Variants in EPM2A observed in about 807,000 individuals in gnomAD.
EPM2A encodes EPM2A glucan phosphatase, laforin.
A neutral mutation model predicts 26.5 loss-of-function variants in EPM2A; 21 were observed. The ratio of observed to expected loss-of-function variants is 0.79; its 90% CI spans 0.56 to 1.14. EPM2A has a LOEUF of 1.14. EPM2A is among the 50% of genes most tolerant of loss of function. The pLI is 0.00. For missense variants in EPM2A, 458 were observed against 440.8 expected (o/e 1.04, Z -0.35); for synonymous variants, 217 against 177.6 (o/e 1.22, Z -1.76).
rs1781254757 is a variant in EPM2A, at chr6:145,590,274, TTC to T, written c.340+44969_340+44970del. On this transcript the variant is annotated intron_variant, in intron 2 of 3. Coordinates refer to the EPM2A transcript ENST00000450221. ...GAGCCAAGAGAAACTCCCCTCACAA[TTC>T]TGTCAGGGGAAGAGGGGAGTAGCCA... 1.3e-5 allele frequency among the ~76,000 whole-genome samples: 2 copies of T among 151,946 alleles called. 1 individual carries two copies. The highest frequency in any genetic ancestry group is 4.2e-4 in the South Asian group (2 of 4,816).
At chr6:145,629,765 A>T (rs115965024) in intron 3 of EPM2A, 2 of 152,274 alleles carry the variant, frequency 1.3e-5, no homozygotes, top group Non-Finnish European at 2.9e-5. Flanking sequence ...CTCTCCAGAT[A>T]CTATGTGCCT....
intron 2 of EPM2A, among the ~76,000 whole-genome samples, chr6:145,514,896 A>G (rs982594741): frequency 3.9e-5 from 6 of 152,220 alleles, no homozygotes; most frequent in African/African-American, 9.6e-5. Context: ...CAAGCCACTC[A>G]TCTACTCCTA....
intron 1 of EPM2A, among the ~76,000 whole-genome samples, chr6:145,716,178 T>A (rs1451547106): frequency 6.6e-6 from 1 of 152,192 alleles, no homozygotes; most frequent in Non-Finnish European, 1.5e-5. Context: ...TTTTGCGGAA[T>A]TTTTTTCTGA....
intron 2 of EPM2A, among the ~76,000 whole-genome samples, chr6:145,613,420 TTACCTCCACCTATGAATCATA>T (rs901913980): frequency 2.0e-5 from 3 of 152,202 alleles, no homozygotes; most frequent in African/African-American, 7.2e-5. Context: ...GCTGACATTT[TTACCTCCACCTATGAATCATA>T]AATGTTCTTA....
At chr6:145,726,974 A>C (rs1776243309) in intron 1 of EPM2A, among the ~76,000 whole-genome samples, 1 of 152,152 alleles carries the variant, frequency 6.6e-6, no homozygotes. Flanking sequence ...GGTAAGGAGT[A>C]TATAAGAACA....
chr6:145,572,315 T>C (rs532979203), intron 2 of EPM2A, among the ~76,000 whole-genome samples: 38 of 152,280 alleles, frequency 2.5e-4, no homozygotes, highest in African/African-American at 8.9e-4. Context: ...CATAAGGCCA[T>C]TGGTGCAGGC....
chr6:145,661,768 T>C (rs1375315309), intron 2 of EPM2A, among the ~76,000 whole-genome samples: 1 of 152,208 alleles, frequency 6.6e-6, no homozygotes, highest in Non-Finnish European at 1.5e-5. Context: ...TTGATTATCC[T>C]AAGTTAAAGA....
At chr6:145,733,396 C>G (rs1399273276) in intron 1 of EPM2A, among the ~76,000 whole-genome samples, 4 of 151,986 alleles carry the variant, frequency 2.6e-5, no homozygotes, top group Non-Finnish European at 5.9e-5. Context: ...TTATGAGCAT[C>G]CAGTAGGTGT....
chr6:145,476,441 G>T (rs1779544813), intron 4 of EPM2A, among the ~76,000 whole-genome samples: 1 of 151,940 alleles, frequency 6.6e-6, no homozygotes, highest in African/African-American at 2.4e-5. Context: ...CTGTACTATA[G>T]ACTAAATGGA....
intron 2 of EPM2A, among the ~76,000 whole-genome samples, chr6:145,648,787 A>G (rs1777668741): frequency 6.6e-6 from 1 of 152,240 alleles, no homozygotes; most frequent in South Asian, 2.1e-4. Context: ...TTGCAGAGAA[A>G]GATGTGTCAT....
intron 2 of EPM2A, among the ~76,000 whole-genome samples, chr6:145,609,566 G>C (rs1386803548): frequency 6.6e-6 from 1 of 152,180 alleles, no homozygotes; most frequent in Non-Finnish European, 1.5e-5. Context: ...CTCTTTTGAA[G>C]TTCTTATTAG....
At chr6:145,465,578 T>C (rs1405401222) in intron 4 of EPM2A, among the ~76,000 whole-genome samples, 1 of 151,222 alleles carries the variant, frequency 6.6e-6, no homozygotes, top group Non-Finnish European at 1.5e-5. Context: ...TTCTGCTCTG[T>C]TTTTTCCCCA....
chr6:145,462,583 T>G (rs1473508598), intron 4 of EPM2A, among the ~76,000 whole-genome samples: 4 of 152,162 alleles, frequency 2.6e-5, no homozygotes, highest in African/African-American at 9.7e-5. Flanking sequence ...AAAATATAGT[T>G]TGGTATTCAA....
At chr6:145,690,885 G>C (rs1223080436) in intron 1 of EPM2A, among the ~76,000 whole-genome samples, 2 of 151,822 alleles carry the variant, frequency 1.3e-5, no homozygotes, top group Non-Finnish European at 2.9e-5. Context: ...GAGCAATATG[G>C]AAGGGACAGA....
At chr6:145,524,608 A>AT (rs911244296) in intron 2 of EPM2A, among the ~76,000 whole-genome samples, 1 of 151,994 alleles carries the variant, frequency 6.6e-6, no homozygotes, top group Non-Finnish European at 1.5e-5. Context: ...TCCTTTGCCC[A>AT]TTTTTAAATG....
chr6:145,552,823 A>C (rs1582847027), intron 2 of EPM2A, among the ~76,000 whole-genome samples: 1 of 152,126 alleles, frequency 6.6e-6, no homozygotes, highest in South Asian at 2.1e-4. Context: ...TAGTCCAGCA[A>C]ACATTTCCTC....
chr6:145,725,022 T>G (rs1042391529), intron 1 of EPM2A, among the ~76,000 whole-genome samples: 1 of 151,972 alleles, frequency 6.6e-6, no homozygotes, highest in Non-Finnish European at 1.5e-5. Flanking sequence ...CAATGGACAC[T>G]GCTACAATAA....
chr6:145,403,060 A>G (rs1778515675), intron 4 of EPM2A, among the ~76,000 whole-genome samples: 1 of 152,166 alleles, frequency 6.6e-6, no homozygotes, highest in African/African-American at 2.4e-5. Context: ...CCTGGTAATT[A>G]AGAAATTGTA....
chr6:145,707,871 CA>C (rs1441732690), intron 1 of EPM2A, among the ~76,000 whole-genome samples: 1 of 152,138 alleles, frequency 6.6e-6, no homozygotes, highest in Non-Finnish European at 1.5e-5. Flanking sequence ...GGATAATAGG[CA>C]GAGGCTGGAA....
Sources: allele counts gnomAD v4.1 joint callset (sites outside exome capture counted in the v4.1 genomes callset), GRCh38; gene constraint gnomAD v4.1.1; transcripts MANE v1.5; gene names NCBI Gene and HGNC (gene_info 2026-07-23, HGNC 2026-07-21).